COMMD10: variants seen among roughly 807,000 people sequenced by gnomAD.
COMMD10 encodes the protein COMM domain containing 10.
A neutral mutation model predicts 28.9 loss-of-function variants in COMMD10; 33 were observed. The observed-to-expected ratio is 1.14, with a 90% CI of 0.87 to 1.53. The LOEUF (loss-of-function observed/expected upper bound fraction) is 1.53, where lower values mean the gene tolerates loss of function less well. Ranked by LOEUF, COMMD10 falls within the 40% of genes most tolerant of loss-of-function variation. COMMD10 has a pLI of 0.00. For missense variants in COMMD10, 310 were observed against 233.4 expected (o/e 1.33, Z -2.14); for synonymous variants, 110 against 81.7 (o/e 1.35, Z -1.87).
chr5:116,271,763 G>T (rs1008773564), intron 5 of COMMD10, among the ~76,000 whole-genome samples: 22 of 151,800 alleles, frequency 1.4e-4, no homozygotes, highest in African/African-American at 5.1e-4. Flanking sequence ...GTCAGACCCT[G>T]CTTAAATGTC....
At chr5:116,287,488 T>C (rs755941083) in intron 5 of COMMD10, among the ~76,000 whole-genome samples, 1 of 151,770 alleles carries the variant, frequency 6.6e-6, no homozygotes, top group Admixed American at 6.6e-5. Flanking sequence ...GTATGTCTCT[T>C]GTAAACAGGG....
chr5:116,099,166 C>T (rs1750567456), intron 4 of COMMD10, among the ~76,000 whole-genome samples: 1 of 152,220 alleles, frequency 6.6e-6, no homozygotes, highest in Non-Finnish European at 1.5e-5. Context: ...CCATTCTACT[C>T]TCTGCTTCAG....
At chr5:116,287,721 G>T (rs1337390778) in intron 5 of COMMD10, among the ~76,000 whole-genome samples, 5 of 149,136 alleles carry the variant, frequency 3.4e-5, no homozygotes, top group African/African-American at 1.2e-4. Context: ...ACTTCCTTTT[G>T]TGTGTATTCT....
intron 5 of COMMD10, among the ~76,000 whole-genome samples, chr5:116,235,397 C>T (rs2218884): frequency 6.6e-6 from 1 of 151,916 alleles, no homozygotes; most frequent in Non-Finnish European, 1.5e-5. Context: ...AGTTGAAAAG[C>T]TGTCATTTAA....
At chr5:116,239,243 A>C (rs1318550493) in intron 5 of COMMD10, among the ~76,000 whole-genome samples, 2 of 152,192 alleles carry the variant, frequency 1.3e-5, no homozygotes, top group Non-Finnish European at 2.9e-5. Flanking sequence ...ACTCAACAAA[A>C]TTTGTTGGCA....
chr5:116,283,572 C>G (rs968262749), intron 5 of COMMD10, among the ~76,000 whole-genome samples: 4 of 151,634 alleles, frequency 2.6e-5, no homozygotes, highest in African/African-American at 9.8e-5. Context: ...GTCTCGAACT[C>G]CTGACCTCAG....
intron 5 of COMMD10, among the ~76,000 whole-genome samples, chr5:116,157,432 A>G (rs902645072): frequency 6.6e-6 from 1 of 152,270 alleles, no homozygotes; most frequent in Middle Eastern, 3.4e-3. Context: ...TGCCGGGTCT[A>G]GTTTGGGATG....
At chr5:116,282,177 TGA>T (rs756641574) in intron 5 of COMMD10, among the ~76,000 whole-genome samples, 15 of 151,908 alleles carry the variant, frequency 9.9e-5, no homozygotes, top group South Asian at 2.1e-4. Flanking sequence ...GCCAGAAACC[TGA>T]GAGTCATTTT....
chr5:116,098,874 A>G (rs1043906537), intron 4 of COMMD10, among the ~76,000 whole-genome samples: 1 of 152,190 alleles, frequency 6.6e-6, no homozygotes, highest in African/African-American at 2.4e-5. Flanking sequence ...GTGCAATGTG[A>G]TGATTTGATA....
chr5:116,148,662 A>G lies in COMMD10; in HGVS notation c.510+14484A>G, dbSNP rs969349014. On this transcript the variant is annotated intron_variant, in intron 5 of 6. Transcript: ENST00000274458. ...ATTCTTTTTTTTTTCTTTTCTGACA[A>G]TGGATTCTTAATATGACACCAAAAG... 5.3e-5 allele frequency among the ~76,000 whole-genome samples: 8 copies of G among 151,750 alleles called. No homozygotes were observed. The East Asian group carries it at 1.4e-3, about 26-fold the overall frequency.
At chr5:116,166,399 T>C (rs931402804) in intron 5 of COMMD10, among the ~76,000 whole-genome samples, 4 of 152,218 alleles carry the variant, frequency 2.6e-5, no homozygotes, top group African/African-American at 7.2e-5. Context: ...CTAGGGGAAG[T>C]TCTGGCAAGT....
At chr5:116,288,412 C>A (rs190873346) in intron 5 of COMMD10, among the ~76,000 whole-genome samples, 20 of 151,920 alleles carry the variant, frequency 1.3e-4, no homozygotes, top group Admixed American at 1.2e-3. Context: ...TATAATGTTT[C>A]TTAGTATGGT....
At chr5:116,166,480 C>G (rs1753103841) in intron 5 of COMMD10, among the ~76,000 whole-genome samples, 1 of 152,104 alleles carries the variant, frequency 6.6e-6, no homozygotes, top group African/African-American at 2.4e-5. Context: ...TGCGTTTAGC[C>G]CTCAAGCTCT....
At chr5:116,149,303 C>G (rs1242340521) in intron 5 of COMMD10, among the ~76,000 whole-genome samples, 1 of 143,424 alleles carries the variant, frequency 7.0e-6, no homozygotes, top group Non-Finnish European at 1.5e-5. Context: ...GTGAATAGTG[C>G]CGCAATAAAC....
intron 5 of COMMD10, among the ~76,000 whole-genome samples, chr5:116,242,499 G>A (rs1045234878): frequency 6.6e-6 from 1 of 152,180 alleles, no homozygotes; most frequent in Admixed American, 6.5e-5. Context: ...CATCTTACAG[G>A]AAAGAGAACT....
In COMMD10 at chr5:116,134,171, A is replaced by T; in HGVS notation, c.503A>T (p.Asp168Val). The T allele has an allele frequency of 6.3e-7, 1 of 1,581,226 alleles. No individual in the cohort carries two copies. The highest frequency in any genetic ancestry group is 1.1e-5 in the South Asian group (1 of 90,442). The change falls in exon 5 of 7, where the codon GAT (aspartate) becomes GTT (valine). Residue 168 changes from aspartate to valine, a missense_variant. Coordinates refer to ENST00000274458, the MANE Select transcript of COMMD10 (RefSeq NM_016144.4). Reference sequence around the variant, plus strand: ...TTACAACTCGGAGTGAACAATGAAGATTCAAAGGTAAGAAATGGTATCCCA... The same window carrying T: ...TTACAACTCGGAGTGAACAATGAAGTTTCAAAGGTAAGAAATGGTATCCCA... The part of the protein sequence containing the change: ...AVLQLGVNNE[D>V]SKSLEKVLVE...
intron 5 of COMMD10, chr5:116,188,374 T>C (rs1748214420): frequency 6.6e-6 from 1 of 152,150 alleles, no homozygotes; most frequent in African/African-American, 2.4e-5. Flanking sequence ...GTAATCAGTT[T>C]TTGCCTCTGT....
At chr5:116,085,454 C>G (rs757944349) in intron 1 of COMMD10, 1 of 276,912 alleles carries the variant, frequency 3.6e-6, no homozygotes, top group Non-Finnish European at 6.8e-6. Flanking sequence ...TATTCCGTTT[C>G]CGATTTCAGT....
chr5:116,283,350 A>G (rs72808918), intron 5 of COMMD10, among the ~76,000 whole-genome samples: 3,955 of 149,478 alleles, frequency 0.026, 100 homozygotes, highest in East Asian at 0.095. Flanking sequence ...CAAAATAACA[A>G]CTTTTTTTTT....
Sources: gnomAD v4.1 joint callset for allele counts (sites outside exome capture counted in the v4.1 genomes callset) on GRCh38, gnomAD v4.1.1 for gene constraint, MANE v1.5 for transcripts, NCBI Gene and HGNC (gene_info 2026-07-23, HGNC 2026-07-21) for gene names.